STXBP3: variants seen among roughly 807,000 people sequenced by gnomAD.
STXBP3 encodes syntaxin-binding protein 3.
Under a neutral mutation model 85.7 loss-of-function variants are expected in STXBP3, and 41 were observed. That is an observed-to-expected ratio of 0.48 (90% CI 0.37 to 0.62). The LOEUF is 0.62. STXBP3 is among the 20% of genes least tolerant of loss of function. The probability of loss-of-function intolerance (pLI) is 0.00; values close to 1 mark genes in which losing one functional copy is unlikely to be tolerated. For missense variants in STXBP3, 563 were observed against 703.1 expected (o/e 0.80, Z 2.25); for synonymous variants, 229 against 231.7 (o/e 0.99, Z 0.10).
At chr1:108,759,737 A>C (rs964128147) in intron 5 of STXBP3, among the ~76,000 whole-genome samples, 1 of 152,198 alleles carries the variant, frequency 6.6e-6, no homozygotes, top group Non-Finnish European at 1.5e-5. Flanking sequence ...CTCTGTTAGC[A>C]GATCTTTAAG....
intron 4 of STXBP3, among the ~76,000 whole-genome samples, chr1:108,757,229 T>C (rs1228619871): frequency 1.3e-5 from 2 of 152,090 alleles, no homozygotes; most frequent in Non-Finnish European, 2.9e-5. Flanking sequence ...AATCTGACTC[T>C]ATGACCTAAC....
chr1:108,787,848 G>GCT (rs1198045071), intron 11 of STXBP3, among the ~76,000 whole-genome samples: 3 of 151,726 alleles, frequency 2.0e-5, no homozygotes, highest in African/African-American at 7.3e-5. Context: ...GGAGTGCAGT[G>GCT]GTGCAGTCTC....
chr1:108,786,346 T>A (rs758400549), intron 11 of STXBP3, among the ~76,000 whole-genome samples: 3 of 152,166 alleles, frequency 2.0e-5, no homozygotes, highest in Non-Finnish European at 4.4e-5. Context: ...ACTGCCCCCA[T>A]TATTCAGTTA....
At chr1:108,761,231 A>T (rs12066018) in intron 6 of STXBP3, among the ~76,000 whole-genome samples, 2 of 152,098 alleles carry the variant, frequency 1.3e-5, no homozygotes, top group Non-Finnish European at 2.9e-5. Context: ...GACAAAGAAA[A>T]ATAATAATCC....
intron 17 of STXBP3, among the ~76,000 whole-genome samples, chr1:108,803,123 C>T (rs895187811): frequency 1.3e-5 from 2 of 152,024 alleles, no homozygotes; most frequent in Non-Finnish European, 2.9e-5. Context: ...TTATTTTTTC[C>T]TTTTCTACAA....
intron 11 of STXBP3, among the ~76,000 whole-genome samples, chr1:108,789,880 AC>A (rs1393539895): frequency 1.3e-5 from 2 of 152,066 alleles, no homozygotes; most frequent in African/African-American, 4.8e-5. Context: ...AGCCTGGCCA[AC>A]ATGGCGAAAC....
intron 12 of STXBP3, among the ~76,000 whole-genome samples, chr1:108,794,594 C>T (rs1663050088): frequency 6.6e-6 from 1 of 152,182 alleles, no homozygotes; most frequent in South Asian, 2.1e-4. Flanking sequence ...TCCCACAACA[C>T]ATGGGGATTA....
In STXBP3 at chr1:108,771,753, GATATCTATCTA is replaced by G. The variant is rs1290102296; in HGVS notation, c.439-911_439-901del. 5.9e-5 allele frequency among the ~76,000 whole-genome samples: 2 copies of G among 34,168 alleles called. 1 individual carries two copies. Among genetic ancestry groups the G allele is most frequent in the Non-Finnish European group, 1.2e-4 (2 of 17,034 alleles). 22.4% of individuals were successfully genotyped at this position (34,168 alleles called of 152,430 possible). On this transcript the variant is annotated intron_variant, in intron 6 of 18. Transcript: ENST00000370008. ...ATATATATCATATATAAATATATATGATATCTATCTATATATCATATATAAATATATGATAT... is the reference window on the plus strand; with the variant it reads ...ATATATATCATATATAAATATATATGTATATCATATATAAATATATGATAT...
intron 7 of STXBP3, among the ~76,000 whole-genome samples, chr1:108,773,093 C>T (rs549113212): frequency 1.2e-3 from 177 of 152,246 alleles, no homozygotes; most frequent in Non-Finnish European, 2.3e-3. Flanking sequence ...TTTATAGTCA[C>T]ATAGGGAATA....
intron 6 of STXBP3, among the ~76,000 whole-genome samples, chr1:108,763,663 C>T (rs1422393140): frequency 6.6e-6 from 1 of 152,144 alleles, no homozygotes; most frequent in Non-Finnish European, 1.5e-5. Context: ...GCAACCTCCA[C>T]TTCCCGAGTT....
At chr1:108,750,726 C>T (rs1661881762) in intron 1 of STXBP3, among the ~76,000 whole-genome samples, 1 of 152,146 alleles carries the variant, frequency 6.6e-6, no homozygotes, top group South Asian at 2.1e-4. Flanking sequence ...CACAATACTG[C>T]CTTCACTTCA....
chr1:108,762,423 G>T (rs1445115807), intron 6 of STXBP3, among the ~76,000 whole-genome samples: 3 of 151,792 alleles, frequency 2.0e-5, no homozygotes, highest in African/African-American at 7.3e-5. Flanking sequence ...ATTGTCAGGG[G>T]TCTAGTCTCC....
chr1:108,746,870 G>A (rs1661796738), intron 1 of STXBP3, 84 bp downstream of exon 1: 1 of 1,377,998 alleles, frequency 7.3e-7, no homozygotes, highest in Non-Finnish European at 1.0e-6. Context: ...CAACCCAGCG[G>A]TCTGTTGAGG....
Position 108,760,042 on chromosome 1 carries a change from G to T in STXBP3, c.395G>T (p.Arg132Ile). 1.3e-6 allele frequency: 2 copies of T among 1,574,382 alleles called. No individual in the cohort carries two copies. Among genetic ancestry groups the T allele is most frequent in the Admixed American group, 1.9e-5 (1 of 51,550 alleles). ...IKASCSKSIRRCKEINISFIP... is the reference protein window; with the variant it reads ...IKASCSKSIRICKEINISFIP... Reference sequence around the variant, plus strand: ...GCTTCTTGCTCCAAGTCAATAAGAAGATGTAAAGAAATAAATATTTCCTTC... The same window carrying T: ...GCTTCTTGCTCCAAGTCAATAAGAATATGTAAAGAAATAAATATTTCCTTC... Residue 132 changes from arginine to isoleucine, a missense_variant, in exon 6 of 19, where the codon AGA becomes ATA. By Grantham distance (97) the Arg-to-Ile change is moderately conservative. Around this residue, in one of 3 missense-constraint regions of STXBP3, gnomAD observed 494 missense variants for 592.8 expected, o/e 0.83. Transcript: ENST00000370008.
intron 16 of STXBP3, among the ~76,000 whole-genome samples, chr1:108,799,721 T>C (rs912819560): frequency 2.6e-5 from 4 of 152,162 alleles, no homozygotes; most frequent in Non-Finnish European, 5.9e-5. Flanking sequence ...ATAAAAAATA[T>C]ATAATCTATG....
chr1:108,793,690 A>G, intron 12 of STXBP3, 43 bp downstream of exon 12: 1 of 1,523,330 alleles, frequency 6.6e-7, no homozygotes, highest in South Asian at 1.2e-5. Context: ...GTTTTAGTTT[A>G]TATTCAGTTT....
intron 8 of STXBP3, among the ~76,000 whole-genome samples, chr1:108,778,779 A>G (rs1012015889): frequency 3.9e-5 from 6 of 152,312 alleles, no homozygotes; most frequent in African/African-American, 1.4e-4. Flanking sequence ...TTTTCAAGCT[A>G]TTATACAGTT....
At position 108,779,417 on chromosome 1, in the gene STXBP3, A is replaced by G. The variant is rs370591732; in HGVS notation, c.809+7A>G. On this transcript the variant is annotated splice_region_variant and intron_variant, in intron 9 of 18. Coordinates refer to ENST00000370008, the MANE Select transcript of STXBP3 (RefSeq NM_007269.4). ...TTGAGAATGATACATACAAGCAAGTATAACTTGAAGGGCATATAAAGGGCA... is the reference window on the plus strand; with the variant it reads ...TTGAGAATGATACATACAAGCAAGTGTAACTTGAAGGGCATATAAAGGGCA... The G allele has an allele frequency of 1.2e-6, 2 of 1,608,218 alleles. No individual in the cohort carries two copies. Among genetic ancestry groups the G allele is most frequent in the Non-Finnish European group, 1.7e-6 (2 of 1,176,974 alleles).
At chr1:108,763,391 TC>T (rs1662185472) in intron 6 of STXBP3, among the ~76,000 whole-genome samples, 1 of 152,204 alleles carries the variant, frequency 6.6e-6, no homozygotes, top group Non-Finnish European at 1.5e-5. Context: ...TAGGGAAAAT[TC>T]TGTGGGTGTA....
Sources: allele counts gnomAD v4.1 joint callset (sites outside exome capture counted in the v4.1 genomes callset), GRCh38; gene constraint gnomAD v4.1.1; regional missense constraint gnomAD v4.1.1; transcripts MANE v1.5; gene names NCBI Gene and HGNC (gene_info 2026-07-23, HGNC 2026-07-21).